The following PSMC2 variants were observed in gnomAD, a reference collection of about 807,000 sequenced individuals.
The protein encoded by PSMC2 is proteasome 26S subunit, ATPase 2.
Under a neutral mutation model 53.3 loss-of-function variants are expected in PSMC2, and 7 were observed. The ratio of observed to expected loss-of-function variants is 0.13; its 90% CI spans 0.07 to 0.25. The LOEUF (loss-of-function observed/expected upper bound fraction) is 0.25. Among genes scored for constraint, PSMC2 ranks in the 10% least tolerant of loss-of-function variants. The pLI is 1.00. For missense variants in PSMC2, 241 were observed against 544.0 expected (o/e 0.44, Z 5.54); for synonymous variants, 169 against 183.9 (o/e 0.92, Z 0.66).
intron 5 of PSMC2, 139 bp from the exon 6 acceptor site, chr7:103,362,546 CT>C (rs1820470822): frequency 1.4e-6 from 2 of 1,400,622 alleles, no homozygotes; most frequent in Non-Finnish European, 1.9e-6. Flanking sequence ...TTCATGCTCT[CT>C]TTATTTCTCT....
chr7:103,352,407 C>A (rs1233892016), intron 1 of PSMC2, among the ~76,000 whole-genome samples: 1 of 118,718 alleles, frequency 8.4e-6, no homozygotes, highest in East Asian at 2.4e-4. Flanking sequence ...AGATTATAAT[C>A]TTTTTTTTTT....
At chr7:103,364,655 G>A (rs1820595758) in intron 8 of PSMC2, among the ~76,000 whole-genome samples, 1 of 152,084 alleles carries the variant, frequency 6.6e-6, no homozygotes, top group South Asian at 2.1e-4. Context: ...TGATCCATCT[G>A]CTTTGGCCTC....
chr7:103,354,827 G>T, intron 2 of PSMC2, 41 bp from the exon 3 acceptor site: 2 of 1,254,676 alleles, frequency 1.6e-6, no homozygotes, highest in Non-Finnish European at 2.3e-6. Flanking sequence ...ATAAATGGTT[G>T]ATATCCTGAT....
In PSMC2 at chr7:103,369,368, T is replaced by C. The variant is rs1820893981; in HGVS notation, c.*1314T>C. 6.6e-6 allele frequency: 1 copy of C among 152,224 alleles called. No homozygotes were observed. Among genetic ancestry groups the C allele is most frequent in the South Asian group, 2.1e-4 (1 of 4,828 alleles). 9.4% of individuals were successfully genotyped at this position (152,224 alleles called of 1,614,324 possible). ...AGATGTATGTTTTTGAATGTTTTGA[T>C]TAAATAAATGTACACATTTAGAACA... On this transcript the variant is annotated 3_prime_UTR_variant, in exon 12 of 12. Coordinates refer to ENST00000292644, the MANE Select transcript of PSMC2 (RefSeq NM_002803.4).
In PSMC2 at chr7:103,360,006, G is replaced by C. The variant is rs192997443; in HGVS notation, c.291-1951G>C. Among the ~76,000 whole-genome samples the C allele has an allele frequency of 5.2e-3, 793 of 152,040 alleles. 6 individuals carry two copies. The highest frequency in any genetic ancestry group is 0.018 in the African/African-American group (761 of 41,484). On this transcript the variant is annotated intron_variant, in intron 4 of 11. Coordinates refer to ENST00000292644, the MANE Select transcript of PSMC2 (RefSeq NM_002803.4). ...TGACGCAGGAGAATTGCTCGAACGT[G>C]GGAGGCGGAAGTTGCAGTGAGTCAA... is the stretch of plus-strand genomic sequence containing the variant.
chr7:103,355,627 G>C, intron 3 of PSMC2, 67 bp from the exon 4 acceptor site: 1 of 1,220,634 alleles, frequency 8.2e-7, no homozygotes, highest in Admixed American at 1.7e-5. Flanking sequence ...TAGTGCTGAG[G>C]TTTAGAAAGC....
chr7:103,362,222 G>A (rs1820453265), intron 5 of PSMC2, 134 bp downstream of exon 5: 7 of 1,471,104 alleles, frequency 4.8e-6, no homozygotes, highest in Non-Finnish European at 5.4e-6. Context: ...ATGTACTATA[G>A]TTGAAAATTC....
At chr7:103,358,227 C>T (rs1165308272) in intron 4 of PSMC2, among the ~76,000 whole-genome samples, 3 of 152,128 alleles carry the variant, frequency 2.0e-5, no homozygotes, top group African/African-American at 7.2e-5. Context: ...CCATTCTGAT[C>T]CTCAGTCCTG....
intron 4 of PSMC2, 45 bp from the exon 5 acceptor site, chr7:103,361,912 A>G: frequency 1.3e-6 from 2 of 1,557,776 alleles, no homozygotes; most frequent in Non-Finnish European, 1.7e-6. Context: ...ATTCATTATT[A>G]GTGGCTTAGG....
rs540352784 is a variant in PSMC2 at position 103,364,415 on chromosome 7, T to C, written c.756+108T>C. ...GAGGGATCCAGACCTGAAATTTCTT[T>C]TTTCTTTTGTTGAGACAGAGTCTCA... On this transcript the variant is annotated intron_variant, in intron 8 of 11. Coordinates refer to ENST00000292644, the MANE Select transcript of PSMC2 (RefSeq NM_002803.4). The C allele has an allele frequency of 1.9e-5, 25 of 1,282,516 alleles. No individual in the cohort carries two copies. In the East Asian group the frequency reaches 5.1e-4, roughly 26 times the overall value. The allele number at this position is 1,282,516 out of a possible 1,614,324, so 79.4% of individuals were successfully genotyped here.
chr7:103,352,737 C>A, intron 1 of PSMC2: 2 of 732,138 alleles, frequency 2.7e-6, no homozygotes, highest in Non-Finnish European at 5.1e-6. Context: ...CTGGTAGATT[C>A]ATTTTTTCTT....
intron 1 of PSMC2, chr7:103,348,774 G>C (rs934374349): frequency 1.2e-4 from 120 of 1,003,360 alleles, no homozygotes; most frequent in Non-Finnish European, 1.1e-4. Flanking sequence ...TGGACTAAGT[G>C]ATCTTCCTTC....
At chr7:103,352,897 C>T in intron 1 of PSMC2, 2 of 780,930 alleles carry the variant, frequency 2.6e-6, no homozygotes, top group African/African-American at 1.7e-5. Flanking sequence ...CCCCTACGGT[C>T]TCCATCTTCT....
rs770391778 is a variant in PSMC2 at position 103,362,686 on chromosome 7, C to T, written c.423C>T (p.Gly141=). The change falls in exon 6 of 12, where the codon GGC becomes GGT. Residue 141 remains glycine, a splice_region_variant and synonymous_variant. Transcript: ENST00000292644. The part of the protein sequence containing the change: ...PTDIEEGMRV[G]VDRNKYQIHI... ...ATGACTATCTTTTTTACTTCCTTAG[C>T]GTGGATAGAAATAAATATCAAATTC... 1.6e-5 allele frequency: 25 copies of T among 1,599,594 alleles called. No homozygotes were observed. The highest frequency in any genetic ancestry group is 6.7e-5 in the African/African-American group (5 of 74,504).
At chr7:103,362,646 T>TTAAAGAATGTATTA (rs772227311) in intron 5 of PSMC2, 40 bp from the exon 6 acceptor site, 1 of 1,546,600 alleles carries the variant, frequency 6.5e-7, no homozygotes, top group South Asian at 1.1e-5. Flanking sequence ...CTTTGAAAGC[T>TTAAAGAATGTATTA]TAAAGAATGT....
At chr7:103,366,292 C>T (rs1196667676) in intron 9 of PSMC2, 129 bp downstream of exon 9, 7 of 744,978 alleles carry the variant, frequency 9.4e-6, no homozygotes, top group African/African-American at 7.0e-5. Flanking sequence ...GAAACAGTGG[C>T]GCCACAGATC....
At chr7:103,351,729 T>G (rs1163764949) in intron 1 of PSMC2, among the ~76,000 whole-genome samples, 1 of 152,144 alleles carries the variant, frequency 6.6e-6, no homozygotes, top group Non-Finnish European at 1.5e-5. Context: ...ACCACAAACT[T>G]AATAAAATTT....
chr7:103,347,731 C>T lies in PSMC2; in HGVS notation c.20C>T (p.Ala7Val). Residue 7 changes from alanine to valine, a missense_variant, in exon 1 of 12, where the codon GCC becomes GTC. Coordinates refer to ENST00000292644, the MANE Select transcript of PSMC2 (RefSeq NM_002803.4). Reference sequence around the variant, plus strand: ...GCTAAAATGCCGGATTACCTCGGTGCCGATCAGCGGAAGACCAAAGAGGAT... The same window carrying T: ...GCTAAAATGCCGGATTACCTCGGTGTCGATCAGCGGAAGACCAAAGAGGAT... MPDYLG[A>V]DQRKTKEDEK... The T allele has an allele frequency of 1.2e-6, 2 of 1,613,914 alleles. No individual in the cohort carries two copies. Among genetic ancestry groups the T allele is most frequent in the Non-Finnish European group, 1.7e-6 (2 of 1,179,854 alleles).
chr7:103,352,215 T>TA lies in PSMC2; in HGVS notation c.71-1675dup, dbSNP rs769618353. Among the ~76,000 whole-genome samples, 113 of 40,624 alleles carry TA rather than the reference T, an allele frequency of 2.8e-3. 5 individuals are homozygous for TA. The highest frequency in any genetic ancestry group is 0.016 in the East Asian group (20 of 1,270). The allele number at this position is 40,624 out of a possible 152,430, so 26.7% of individuals were successfully genotyped here. On this transcript the variant is annotated intron_variant, in intron 1 of 11. Coordinates refer to ENST00000292644, the MANE Select transcript of PSMC2 (RefSeq NM_002803.4). ...TTTCCTACCTCTACTCATACTTAGTTAAAAAAAAAAAAAAAAAAAAAAAAA... is the reference window on the plus strand; with the variant it reads ...TTTCCTACCTCTACTCATACTTAGTTAAAAAAAAAAAAAAAAAAAAAAAAAA...
Sources: allele counts gnomAD v4.1 joint callset (sites outside exome capture counted in the v4.1 genomes callset), GRCh38; gene constraint gnomAD v4.1.1; transcripts MANE v1.5; gene names NCBI Gene and HGNC (gene_info 2026-07-23, HGNC 2026-07-21).